Variants in KCNIP1 observed in about 807,000 individuals in gnomAD.
The protein encoded by KCNIP1 is potassium voltage-gated channel interacting protein 1.
KCNIP1 carries 18 observed loss-of-function variants against 33.0 expected under a neutral mutation model. That is an observed-to-expected ratio of 0.55 (90% CI 0.38 to 0.81). The LOEUF is 0.81. Among genes scored for constraint, KCNIP1 ranks in the 30% least tolerant of loss-of-function variants. The probability of loss-of-function intolerance (pLI) is 0.00; values close to 1 mark genes in which losing one functional copy is unlikely to be tolerated. For missense variants in KCNIP1, 238 were observed against 271.6 expected (o/e 0.88, Z 0.87); for synonymous variants, 93 against 98.3 (o/e 0.95, Z 0.32).
chr5:170,532,175 C>T (rs776137781), intron 1 of KCNIP1, among the ~76,000 whole-genome samples: 4 of 152,224 alleles, frequency 2.6e-5, no homozygotes, highest in Non-Finnish European at 4.4e-5. Context: ...TTGCTCAAAG[C>T]CTACAGCAAA....
At chr5:170,364,000 C>CTT (rs56966570) in intron 1 of KCNIP1, among the ~76,000 whole-genome samples, 16 of 135,010 alleles carry the variant, frequency 1.2e-4, no homozygotes, top group Non-Finnish European at 1.6e-4. Context: ...AGTGTAATAT[C>CTT]TTTTTTTTTT....
At chr5:170,628,710 C>T (rs1043223406) in intron 1 of KCNIP1, among the ~76,000 whole-genome samples, 13 of 152,300 alleles carry the variant, frequency 8.5e-5, no homozygotes, top group African/African-American at 2.4e-4. Flanking sequence ...GGTTGTCCTG[C>T]GAAGACACCC....
Position 170,506,587 on chromosome 5 carries a change from G to T in KCNIP1, c.61+1954G>T, listed in dbSNP as rs537752068. Among the ~76,000 whole-genome samples the T allele has an allele frequency of 5.7e-4, 87 of 152,258 alleles. No individual in the cohort carries two copies. In the Middle Eastern group the frequency reaches 0.01, roughly 18 times the overall value. On this transcript the variant is annotated intron_variant, in intron 1 of 7. Transcript: ENST00000328939. ...CCTGCAGGATTCCCAGAGTACAAAG[G>T]TCTTTGCTTCTGTCTCCTCGGATTC...
intron 1 of KCNIP1, among the ~76,000 whole-genome samples, chr5:170,417,211 A>T (rs1172318179): frequency 1.3e-5 from 2 of 152,240 alleles, no homozygotes; most frequent in Non-Finnish European, 2.9e-5. Flanking sequence ...TTAACAGAAA[A>T]GTCCAGAATA....
intron 6 of KCNIP1, among the ~76,000 whole-genome samples, 194 bp from the exon 7 acceptor site, chr5:170,733,642 G>T (rs1308529919): frequency 4.6e-5 from 7 of 152,188 alleles, no homozygotes; most frequent in African/African-American, 7.2e-5. Flanking sequence ...GGGGCTCAAA[G>T]TGTTGTAATC....
rs1764372988 is a variant in KCNIP1, at chr5:170,735,901, T to C, written c.*95T>C. On this transcript the variant is annotated 3_prime_UTR_variant, in exon 8 of 8. Coordinates refer to ENST00000328939, the MANE Select transcript of KCNIP1 (RefSeq NM_014592.4). ...CCTTGTTCTGATTTTACACACCAAC[T>C]CTTGGGACAGAAACACCTTTTACAC... 1.8e-6 allele frequency: 2 copies of C among 1,087,930 alleles called. No individual in the cohort carries two copies. Among genetic ancestry groups the C allele is most frequent in the African/African-American group, 3.1e-5 (2 of 64,904 alleles). 67.4% of individuals were successfully genotyped at this position (1,087,930 alleles called of 1,614,324 possible).
rs549316909 is a variant in KCNIP1, at chr5:170,622,753, G to A, written c.62-96005G>A. On this transcript the variant is annotated intron_variant, in intron 1 of 7. Transcript: ENST00000328939. Reference sequence around the variant, plus strand: ...GGCCACCAGAAGCCAGGGAAGCCTAGGAAGGGTTTTCCTAGAGCCTTTGGA... The same window carrying A: ...GGCCACCAGAAGCCAGGGAAGCCTAAGAAGGGTTTTCCTAGAGCCTTTGGA... Among the ~76,000 whole-genome samples the A allele has an allele frequency of 2.0e-5, 3 of 152,238 alleles. No individual in the cohort carries two copies. In the East Asian group the frequency reaches 5.8e-4, roughly 29 times the overall value.
chr5:170,440,104 G>A (rs1755954622), intron 1 of KCNIP1, among the ~76,000 whole-genome samples: 1 of 152,180 alleles, frequency 6.6e-6, no homozygotes, highest in African/African-American at 2.4e-5. Flanking sequence ...AAGAGAATAA[G>A]ACATAGACAC....
At chr5:170,610,642 T>A (rs900202831) in intron 1 of KCNIP1, among the ~76,000 whole-genome samples, 3 of 152,234 alleles carry the variant, frequency 2.0e-5, no homozygotes, top group African/African-American at 7.2e-5. Flanking sequence ...TCCCTCTGCC[T>A]CAGTTTCTTC....
intron 1 of KCNIP1, among the ~76,000 whole-genome samples, chr5:170,644,736 G>A (rs1415006495): frequency 6.6e-6 from 1 of 152,228 alleles, no homozygotes; most frequent in Non-Finnish European, 1.5e-5. Flanking sequence ...AGCTCTGTAA[G>A]GCCCCCAGAA....
At chr5:170,671,093 C>A (rs927045923) in intron 1 of KCNIP1, among the ~76,000 whole-genome samples, 1 of 152,074 alleles carries the variant, frequency 6.6e-6, no homozygotes, top group Non-Finnish European at 1.5e-5. Flanking sequence ...TCTCTGTGTA[C>A]CTTGTCCCCC....
In KCNIP1 at chr5:170,504,483, A is replaced by G. The variant is rs2113235850; in HGVS notation, c.-90A>G. 1 of 1,596,356 alleles carries G rather than the reference A, an allele frequency of 6.3e-7. No individual in the cohort carries two copies. The highest frequency in any genetic ancestry group is 1.3e-5 in the African/African-American group (1 of 74,426). ...CTGCCGGGCGCTTTTCTCTCCTCCA[A>G]TTCAGAGTAGACAAACCACGGGGAT... On this transcript the variant is annotated 5_prime_UTR_variant, in exon 1 of 8. Transcript: ENST00000328939. The surrounding 1 kb of genome is among the most constrained non-coding windows in gnomAD (Gnocchi z 6.0).
chr5:170,471,517 A>G (rs1037652321), intron 1 of KCNIP1, among the ~76,000 whole-genome samples: 3 of 152,202 alleles, frequency 2.0e-5, no homozygotes, highest in Admixed American at 1.3e-4. Context: ...GGAGGGAGGA[A>G]GACCCAGGAA....
chr5:170,463,193 C>G (rs1261086805), intron 1 of KCNIP1, among the ~76,000 whole-genome samples: 1 of 152,022 alleles, frequency 6.6e-6, no homozygotes, highest in Admixed American at 6.5e-5. Context: ...TTAAAACTTC[C>G]CACAAAGAAC....
intron 1 of KCNIP1, among the ~76,000 whole-genome samples, chr5:170,474,945 T>C (rs1756820853): frequency 6.6e-6 from 1 of 152,238 alleles, no homozygotes; most frequent in Non-Finnish European, 1.5e-5. Flanking sequence ...AGCCAGCTTT[T>C]ATTTCCTTAT....
chr5:170,384,054 T>C (rs1764366782), intron 1 of KCNIP1, among the ~76,000 whole-genome samples: 1 of 152,186 alleles, frequency 6.6e-6, no homozygotes, highest in Non-Finnish European at 1.5e-5. Flanking sequence ...GATGGGGTCT[T>C]AGACATTATC....
chr5:170,713,505 C>T (rs569802011), intron 1 of KCNIP1, among the ~76,000 whole-genome samples: 16 of 152,236 alleles, frequency 1.1e-4, no homozygotes, highest in Non-Finnish European at 1.8e-4. Context: ...AGGGGACAGC[C>T]GGTGTTCAGC....
chr5:170,366,692 A>T (rs887219441), intron 1 of KCNIP1, among the ~76,000 whole-genome samples: 9 of 152,158 alleles, frequency 5.9e-5, no homozygotes, highest in African/African-American at 2.2e-4. Context: ...AGCAAGGAAC[A>T]CCCTTGAGTA....
chr5:170,605,165 A>G (rs1758856759), intron 1 of KCNIP1, among the ~76,000 whole-genome samples: 2 of 152,050 alleles, frequency 1.3e-5, no homozygotes, highest in Admixed American at 6.5e-5. Flanking sequence ...AGAATCTGCC[A>G]TGCCCCTGCC....
Sources: allele counts gnomAD v4.1 joint callset (sites outside exome capture counted in the v4.1 genomes callset), GRCh38; gene constraint gnomAD v4.1.1; non-coding constraint Gnocchi (gnomAD v3.1); transcripts MANE v1.5; gene names NCBI Gene and HGNC (gene_info 2026-07-23, HGNC 2026-07-21).